Variants in AKAP10 observed in about 807,000 individuals in gnomAD.
AKAP10 encodes A-kinase anchoring protein 10.
Under a neutral mutation model 80.8 loss-of-function variants are expected in AKAP10, and 24 were observed. The observed-to-expected ratio is 0.30, with a 90% CI of 0.22 to 0.42. The LOEUF (loss-of-function observed/expected upper bound fraction) is 0.42, where lower values mean the gene tolerates loss of function less well. Ranked by LOEUF, AKAP10 falls within the 10% of genes least tolerant of loss-of-function variation. The pLI is 1.00. For missense variants in AKAP10, 661 were observed against 794.9 expected (o/e 0.83, Z 2.03); for synonymous variants, 291 against 277.7 (o/e 1.05, Z -0.48).
rs73296042 is a variant in AKAP10, at chr17:19,958,672, G to A, written c.320-101C>T. On this transcript the variant is annotated intron_variant, in intron 3 of 14. Transcript: ENST00000225737. ...AGCAACAACTGGTACCAGAGACCTT[G>A]AATAAAGTTTACTTCCTAGCAACTA... 4.7e-3 allele frequency: 4,657 copies of A among 986,780 alleles called. 130 individuals are homozygous for A. In the African/African-American group the frequency reaches 0.065, roughly 14 times the overall value. The allele number at this position is 986,780 out of a possible 1,614,324, so 61.1% of individuals were successfully genotyped here. A position where few individuals can be genotyped will look rare whatever the true frequency, so the allele number is the denominator to read the frequency against.
At chr17:19,910,616 A>C (rs757144468) in intron 12 of AKAP10, among the ~76,000 whole-genome samples, 11 of 152,168 alleles carry the variant, frequency 7.2e-5, no homozygotes, top group Non-Finnish European at 1.2e-4. Context: ...ATTAAAAAAC[A>C]AAACAAAACC....
chr17:19,909,929 A>T lies in AKAP10; in HGVS notation c.1884T>A (p.Asp628Glu). The T allele has an allele frequency of 6.2e-7, 1 of 1,613,628 alleles. No individual in the cohort carries two copies. Among genetic ancestry groups the T allele is most frequent in the African/African-American group, 1.3e-5 (1 of 75,012 alleles). The change falls in exon 13 of 15, where the codon GAT (aspartate) becomes GAA (glutamate). Residue 628 changes from aspartate to glutamate, a missense_variant. Coordinates refer to ENST00000225737, the MANE Select transcript of AKAP10 (RefSeq NM_007202.4). Reference protein sequence around the residue: ...AMKKWVQGNTDEAQEELAWKI... With the variant: ...AMKKWVQGNTEEAQEELAWKI... ...TTATCCTAAAGGTAGGATTTACCTC[A>T]TCAGTATTTCCTTGCACCCATTTCT...
intron 2 of AKAP10, among the ~76,000 whole-genome samples, chr17:19,964,817 C>T (rs1005874942): frequency 2.0e-5 from 3 of 152,158 alleles, no homozygotes; most frequent in African/African-American, 4.8e-5. Context: ...CACTCGAACC[C>T]GAGAGGCAGA....
intron 12 of AKAP10, among the ~76,000 whole-genome samples, chr17:19,915,764 C>A (rs545399312): frequency 6.6e-6 from 1 of 152,342 alleles, no homozygotes; most frequent in East Asian, 1.9e-4. Flanking sequence ...TCCACACCAC[C>A]ATCATCCCTT....
At position 19,968,459 on chromosome 17, in the gene AKAP10, T is replaced by A; in HGVS notation, c.91A>T (p.Lys31Ter). Residue 31 changes from lysine to a stop codon, truncating the protein, a stop_gained and splice_region_variant, in exon 2 of 15, where the codon AAA (lysine) becomes TAA (stop). Transcript: ENST00000225737. LOFTEE classifies it high-confidence loss of function. ...GAGGTCTTCTCTTGTTCTTTGCCTT[T>A]CACTAGAACATAAAAAGATAATTAT... ...PAMSFFRRKV[K>*]GKEQEKTSDV... 6.2e-7 allele frequency: 1 copy of A among 1,613,610 alleles called. No homozygotes were observed. Among genetic ancestry groups the A allele is most frequent in the Non-Finnish European group, 8.5e-7 (1 of 1,179,662 alleles).
At chr17:19,963,732 T>C (rs1422189765) in intron 2 of AKAP10, among the ~76,000 whole-genome samples, 2 of 151,840 alleles carry the variant, frequency 1.3e-5, no homozygotes, top group Non-Finnish European at 2.9e-5. Context: ...CTGTCTCTAC[T>C]AAAAATACAA....
chr17:19,975,938 G>A (rs1324535152), intron 1 of AKAP10, among the ~76,000 whole-genome samples: 2 of 152,146 alleles, frequency 1.3e-5, no homozygotes, highest in Non-Finnish European at 2.9e-5. Context: ...TACCAATAAA[G>A]CTTCCTCCTA....
chr17:19,949,725 G>A (rs759106021), intron 4 of AKAP10, among the ~76,000 whole-genome samples: 15 of 144,354 alleles, frequency 1.0e-4, no homozygotes, highest in Non-Finnish European at 1.8e-4. Context: ...CCAAGATCAC[G>A]CCACTGCACT....
intron 9 of AKAP10, among the ~76,000 whole-genome samples, chr17:19,933,958 G>A (rs1210078541): frequency 6.6e-6 from 1 of 152,024 alleles, no homozygotes; most frequent in Non-Finnish European, 1.5e-5. Context: ...TTTTGCTCTT[G>A]TTGCCCAGGC....
chr17:19,916,002 T>TG (rs1330319982), intron 12 of AKAP10, among the ~76,000 whole-genome samples: 1 of 152,248 alleles, frequency 6.6e-6, no homozygotes, highest in Non-Finnish European at 1.5e-5. Flanking sequence ...CACCTTCTAC[T>TG]GCTCATTCCT....
At chr17:19,953,923 T>C (rs2152417000) in intron 4 of AKAP10, among the ~76,000 whole-genome samples, 1 of 152,126 alleles carries the variant, frequency 6.6e-6, no homozygotes, top group African/African-American at 2.4e-5. Context: ...TCCCAGCTAT[T>C]TGGGAGGCTG....
chr17:19,928,320 A>G (rs1467560320), intron 10 of AKAP10, among the ~76,000 whole-genome samples: 2 of 152,252 alleles, frequency 1.3e-5, no homozygotes, highest in African/African-American at 2.4e-5. Context: ...TAAGCAAATG[A>G]AAAGATGCTC....
intron 4 of AKAP10, among the ~76,000 whole-genome samples, chr17:19,948,175 C>T (rs1463550986): frequency 6.6e-6 from 1 of 152,156 alleles, no homozygotes. Context: ...TTCTGTCTCT[C>T]CCATGGAATG....
Position 19,968,419 on chromosome 17 carries a change from A to G in AKAP10, c.131T>C (p.Ile44Thr), listed in dbSNP as rs73296056. The change falls in exon 2 of 15, where the codon ATT (isoleucine) becomes ACT (threonine). Residue 44 changes from isoleucine (I) to threonine (T), a missense_variant. Ile to Thr is a moderately conservative substitution (Grantham distance 89). Transcript: ENST00000225737. Reference protein sequence around the residue: ...EQEKTSDVKSIKASISVHSPQ... With the variant: ...EQEKTSDVKSTKASISVHSPQ... The stretch of plus-strand genomic sequence containing the variant: ...CTGCCAAGGGCAGAACTTACCTTTA[A>G]TGGACTTCACATCTGAGGTCTTCTC... The G allele has an allele frequency of 8.2e-4, 1,330 of 1,613,498 alleles. 7 individuals are homozygous for G. The African/African-American group carries it at 0.015, about 18-fold the overall frequency.
chr17:19,910,609 A>C (rs1167103113), intron 12 of AKAP10, among the ~76,000 whole-genome samples: 4 of 152,152 alleles, frequency 2.6e-5, no homozygotes, highest in Non-Finnish European at 5.9e-5. Context: ...GGCAAACATT[A>C]AAAAACAAAA....
chr17:19,952,261 C>A (rs1479077738), intron 4 of AKAP10, among the ~76,000 whole-genome samples: 1 of 151,730 alleles, frequency 6.6e-6, no homozygotes, highest in Non-Finnish European at 1.5e-5. Context: ...GTCAGGAGTT[C>A]AAGACGAGCC....
intron 12 of AKAP10, among the ~76,000 whole-genome samples, chr17:19,919,054 C>A (rs2042781930): frequency 6.6e-6 from 1 of 151,454 alleles, no homozygotes; most frequent in East Asian, 1.9e-4. Flanking sequence ...TTAGGTATAT[C>A]TCCTAATGCT....
intron 12 of AKAP10, among the ~76,000 whole-genome samples, chr17:19,911,194 G>C (rs1022737799): frequency 2.6e-5 from 4 of 152,040 alleles, no homozygotes; most frequent in African/African-American, 9.7e-5. Flanking sequence ...CTGCATGAAG[G>C]CTCAACTGGC....
chr17:19,912,070 T>TTTAAGAAGTTA (rs2042697108), intron 12 of AKAP10, among the ~76,000 whole-genome samples: 1 of 152,130 alleles, frequency 6.6e-6, no homozygotes, highest in South Asian at 2.1e-4. Flanking sequence ...TTAATGTAAC[T>TTTAAGAAGTTA]TCTTAAGTTA....
Sources: gnomAD v4.1 joint callset for allele counts (sites outside exome capture counted in the v4.1 genomes callset) on GRCh38, gnomAD v4.1.1 for gene constraint, MANE v1.5 for transcripts, NCBI Gene and HGNC (gene_info 2026-07-23, HGNC 2026-07-21) for gene names.